Variants in CHCHD6 observed in about 807,000 individuals in gnomAD.
CHCHD6 encodes MICOS complex subunit MIC25.
Under a neutral mutation model 32.3 loss-of-function variants are expected in CHCHD6, and 28 were observed. The ratio of observed to expected loss-of-function variants is 0.87; its 90% CI spans 0.64 to 1.19. CHCHD6 has a LOEUF of 1.19. Among genes scored for constraint, CHCHD6 ranks in the 50% most tolerant of loss-of-function variants. CHCHD6 has a pLI of 0.00. For missense variants in CHCHD6, 333 were observed against 307.0 expected (o/e 1.08, Z -0.63); for synonymous variants, 122 against 117.5 (o/e 1.04, Z -0.25).
intron 5 of CHCHD6, among the ~76,000 whole-genome samples, chr3:126,873,337 C>G (rs1432542811): frequency 6.6e-6 from 1 of 152,194 alleles, no homozygotes; most frequent in Non-Finnish European, 1.5e-5. Flanking sequence ...CCGAAGCTCT[C>G]TCTCCCAGCC....
chr3:126,760,367 G>A (rs758050578), intron 4 of CHCHD6, among the ~76,000 whole-genome samples: 10 of 152,252 alleles, frequency 6.6e-5, no homozygotes, highest in Admixed American at 1.3e-4. Context: ...TGCCATTTAA[G>A]TCATTTTTAA....
At chr3:126,900,060 G>A (rs1418359260) in intron 5 of CHCHD6, among the ~76,000 whole-genome samples, 1 of 152,190 alleles carries the variant, frequency 6.6e-6, no homozygotes, top group East Asian at 1.9e-4. Context: ...TTAATTTTTT[G>A]TGTTGAAATT....
Position 126,783,095 on chromosome 3 carries a change from C to T in CHCHD6, c.411+49873C>T, listed in dbSNP as rs530013022. 3.9e-5 allele frequency among the ~76,000 whole-genome samples: 6 copies of T among 152,296 alleles called. 1 individual carries two copies. The South Asian group carries it at 8.3e-4, about 21-fold the overall frequency. ...AAAGTTTGTACTCTTTGACCTACCTCTCCCCTACCCCATAGCCTCTGGCAT... is the reference window on the plus strand; with the variant it reads ...AAAGTTTGTACTCTTTGACCTACCTTTCCCCTACCCCATAGCCTCTGGCAT... On this transcript the variant is annotated intron_variant, in intron 4 of 7. Transcript: ENST00000290913.
intron 5 of CHCHD6, among the ~76,000 whole-genome samples, chr3:126,881,837 G>A (rs554712238): frequency 3.6e-4 from 55 of 152,292 alleles, no homozygotes; most frequent in Non-Finnish European, 4.9e-4. Context: ...GAGGTACTGC[G>A]GGAGGGCATC....
intron 5 of CHCHD6, among the ~76,000 whole-genome samples, chr3:126,881,778 A>T (rs1422230465): frequency 6.6e-6 from 1 of 152,202 alleles, no homozygotes; most frequent in African/African-American, 2.4e-5. Flanking sequence ...ATTAAAATTA[A>T]AACTAATTGA....
At chr3:126,718,598 G>A (rs569003781) in intron 1 of CHCHD6, among the ~76,000 whole-genome samples, 7 of 152,348 alleles carry the variant, frequency 4.6e-5, no homozygotes, top group African/African-American at 1.2e-4. Flanking sequence ...TTTCCTAGGT[G>A]AGGACAGTGA....
chr3:126,764,162 T>C (rs1013274030), intron 4 of CHCHD6, among the ~76,000 whole-genome samples: 3 of 147,078 alleles, frequency 2.0e-5, no homozygotes, highest in Non-Finnish European at 3.0e-5. Flanking sequence ...AATATATATA[T>C]ACACACACAT....
At chr3:126,829,126 C>T (rs187941655) in intron 4 of CHCHD6, among the ~76,000 whole-genome samples, 5 of 152,258 alleles carry the variant, frequency 3.3e-5, no homozygotes, top group Admixed American at 3.3e-4. Context: ...GCCAAATTCC[C>T]TCTAATGACC....
chr3:126,909,106 C>T (rs1297318464), intron 5 of CHCHD6, among the ~76,000 whole-genome samples: 2 of 152,238 alleles, frequency 1.3e-5, no homozygotes, highest in African/African-American at 2.4e-5. Context: ...TGGCGCCCAG[C>T]ACAGCCTGTG....
intron 4 of CHCHD6, among the ~76,000 whole-genome samples, chr3:126,762,036 C>CT (rs1559828657): frequency 6.6e-6 from 1 of 152,064 alleles, no homozygotes; most frequent in Non-Finnish European, 1.5e-5. Flanking sequence ...TATTTGCTAT[C>CT]TTTTTCTTTG....
chr3:126,779,801 A>G (rs1576406260), intron 4 of CHCHD6, among the ~76,000 whole-genome samples: 2 of 152,330 alleles, frequency 1.3e-5, no homozygotes, highest in East Asian at 1.9e-4. Flanking sequence ...ATAGATAAAT[A>G]CAGATATTAA....
chr3:126,823,880 TACAAAA>T (rs142328336), intron 4 of CHCHD6, among the ~76,000 whole-genome samples: 92 of 151,124 alleles, frequency 6.1e-4, no homozygotes, highest in Middle Eastern at 6.8e-3. Context: ...ACCCTATCTC[TACAAAA>T]ACAAAAACAA....
intron 5 of CHCHD6, among the ~76,000 whole-genome samples, chr3:126,908,955 G>A (rs958563433): frequency 5.3e-5 from 8 of 152,218 alleles, no homozygotes; most frequent in Non-Finnish European, 1.2e-4. Context: ...CTGCACAGGC[G>A]GTCTGACCAC....
intron 4 of CHCHD6, among the ~76,000 whole-genome samples, chr3:126,778,000 A>G (rs1184228940): frequency 6.6e-6 from 1 of 152,228 alleles, no homozygotes; most frequent in Admixed American, 6.5e-5. Flanking sequence ...TGTGTTCTGA[A>G]CATGCCATAT....
intron 4 of CHCHD6, among the ~76,000 whole-genome samples, chr3:126,754,566 A>G (rs931920032): frequency 2.6e-5 from 4 of 152,206 alleles, no homozygotes; most frequent in African/African-American, 9.7e-5. Context: ...GGAGGCGAGC[A>G]TGTCCAGGAA....
At position 126,791,318 on chromosome 3, in the gene CHCHD6, C is replaced by T. The variant is rs1051543097; in HGVS notation, c.411+58096C>T. Among the ~76,000 whole-genome samples, 13 of 152,350 alleles carry T rather than the reference C, an allele frequency of 8.5e-5. No homozygotes were observed. In the East Asian group the frequency reaches 9.6e-4, roughly 11 times the overall value. Reference sequence around the variant, plus strand: ...CTGTCCATTCTCAGATCTCAGACTCCGTGCTGGGAGAACCACTACTCTCTT... The same window carrying T: ...CTGTCCATTCTCAGATCTCAGACTCTGTGCTGGGAGAACCACTACTCTCTT... On this transcript the variant is annotated intron_variant, in intron 4 of 7. Transcript: ENST00000290913.
intron 4 of CHCHD6, among the ~76,000 whole-genome samples, chr3:126,787,594 A>G (rs929783230): frequency 3.3e-5 from 5 of 152,074 alleles, no homozygotes; most frequent in Non-Finnish European, 7.4e-5. Flanking sequence ...GCAATTGTGA[A>G]TGGTAGTTCA....
At chr3:126,840,223 G>C (rs1941016758) in intron 4 of CHCHD6, among the ~76,000 whole-genome samples, 1 of 152,150 alleles carries the variant, frequency 6.6e-6, no homozygotes, top group Non-Finnish European at 1.5e-5. Flanking sequence ...TGGACATTTA[G>C]GGGCTAAGTG....
intron 4 of CHCHD6, 25 bp from the exon 5 acceptor site, chr3:126,852,622 G>A (rs376918186): frequency 7.1e-5 from 113 of 1,595,244 alleles, no homozygotes; most frequent in South Asian, 1.4e-4. Flanking sequence ...GCTGGCTAAC[G>A]TGGGCTTTGT....
Sources: gnomAD v4.1 joint callset for allele counts (sites outside exome capture counted in the v4.1 genomes callset) on GRCh38, gnomAD v4.1.1 for gene constraint, MANE v1.5 for transcripts, NCBI Gene and HGNC (gene_info 2026-07-23, HGNC 2026-07-21) for gene names.